The following ZNF516 variants were observed in gnomAD, a reference collection of about 807,000 sequenced individuals.
ZNF516 encodes the protein zinc finger protein 516.
In ZNF516, 19 loss-of-function variants were observed where a neutral mutation model predicts 79.7. That is an observed-to-expected ratio of 0.24 (90% CI 0.17 to 0.35). ZNF516 has a LOEUF of 0.35. ZNF516 is among the 10% of genes least tolerant of loss of function. The probability of loss-of-function intolerance (pLI) is 1.00; values close to 1 mark genes in which losing one functional copy is unlikely to be tolerated. For missense variants in ZNF516, 1,678 were observed against 1,679.5 expected (o/e 1.00, Z 0.02); for synonymous variants, 877 against 739.5 (o/e 1.19, Z -3.02).
intron 1 of ZNF516, among the ~76,000 whole-genome samples, chr18:76,489,283 G>T (rs1234876304): frequency 6.6e-6 from 1 of 152,184 alleles, no homozygotes; most frequent in Non-Finnish European, 1.5e-5. Context: ...TACGTAAATT[G>T]CTAGGTCACA....
At chr18:76,424,223 A>G (rs1259990344) in intron 3 of ZNF516, among the ~76,000 whole-genome samples, 1 of 18,626 alleles carries the variant, frequency 5.4e-5, no homozygotes, top group Non-Finnish European at 1.2e-4. Flanking sequence ...TCAGGTGAAA[A>G]GGTTCCCCCG....
At chr18:76,386,075 C>T (rs955988279) in intron 3 of ZNF516, 1 of 152,176 alleles carries the variant, frequency 6.6e-6, no homozygotes, top group Admixed American at 6.5e-5. Context: ...TATTGGGCTT[C>T]GTAAAAGCCA....
At chr18:76,443,713 C>T (rs1028420599) in intron 2 of ZNF516, among the ~76,000 whole-genome samples, 5 of 152,200 alleles carry the variant, frequency 3.3e-5, no homozygotes, top group Non-Finnish European at 5.9e-5. Context: ...CAATGGGATA[C>T]GAGCTGAGAA....
chr18:76,379,810 C>A lies in ZNF516; in HGVS notation c.2304G>T (p.Lys768Asn). 2 of 1,613,800 alleles carry A rather than the reference C, an allele frequency of 1.2e-6. No individual in the cohort carries two copies. Among genetic ancestry groups the A allele is most frequent in the Non-Finnish European group, 1.7e-6 (2 of 1,179,830 alleles). Residue 768 changes from lysine to asparagine, a missense_variant, in exon 4 of 7, where the codon AAG becomes AAT. This residue lies in a region of ZNF516 where 1,294 missense variants were observed against 1,248.3 expected (regional missense o/e 1.04). Coordinates refer to ENST00000443185, the MANE Select transcript of ZNF516 (RefSeq NM_014643.4). Reference protein sequence around the residue: ...VVHPCPYCSHKTYYPEVLWMH... With the variant: ...VVHPCPYCSHNTYYPEVLWMH... ...TCCACAGGACCTCGGGGTAGTAGGT[C>A]TTGTGGCTGCAGTAAGGACACGGGT...
At position 76,379,895 on chromosome 18, in the gene ZNF516, G is replaced by C. The variant is rs568407825; in HGVS notation, c.2219C>G (p.Thr740Arg). The C allele has an allele frequency of 2.5e-6, 4 of 1,613,926 alleles. No individual in the cohort carries two copies. In the South Asian group the frequency reaches 4.4e-5, roughly 18 times the overall value. ...LMPLDLSARS[T>R]RDDPSNKETA... ...CTCCTTATTGCTGGGGTCATCCCGCGTCGACCTCGCACTTAAATCTAGCGG... is the reference window on the plus strand; with the variant it reads ...CTCCTTATTGCTGGGGTCATCCCGCCTCGACCTCGCACTTAAATCTAGCGG... The change falls in exon 4 of 7, where the codon ACG becomes AGG. Residue 740 changes from threonine to arginine, a missense_variant. Physicochemically the swap from Thr to Arg is moderately conservative, Grantham distance 71 (BLOSUM62 -1). Transcript: ENST00000443185.
rs1915309831 is a variant in ZNF516, at chr18:76,492,772, T to G, written c.-272+2372A>C. The G allele has an allele frequency of 1.4e-5, 14 of 985,510 alleles. No homozygotes were observed. The Admixed American group carries it at 2.5e-4, about 17-fold the overall frequency. The allele number at this position is 985,510 out of a possible 1,614,324, so 61.0% of individuals were successfully genotyped here. A position where few individuals can be genotyped will look rare whatever the true frequency, so the allele number is the denominator to read the frequency against. ...CCTTCTGCAGGTTCCGACCTGAATC[T>G]GAAAGTGCTTCTAAACCCCATGCTT... On this transcript the variant is annotated intron_variant, in intron 1 of 6. Coordinates refer to ENST00000443185, the MANE Select transcript of ZNF516 (RefSeq NM_014643.4).
At position 76,441,231 on chromosome 18, in the gene ZNF516, G is replaced by C. The variant is rs774210350; in HGVS notation, c.1810+14C>G. 2 of 1,606,254 alleles carry C rather than the reference G, an allele frequency of 1.2e-6. No individual in the cohort carries two copies. The highest frequency in any genetic ancestry group is 1.7e-5 in the Admixed American group (1 of 59,230). The stretch of plus-strand genomic sequence containing the variant: ...GGATCCCAGGACCCAGGCCACCTGG[G>C]TACACTTGCTCACCTGGTGCAGGTT... On this transcript the variant is annotated intron_variant, in intron 3 of 6. Transcript: ENST00000443185.
chr18:76,464,605 G>C (rs572017981), intron 1 of ZNF516, among the ~76,000 whole-genome samples: 2 of 152,216 alleles, frequency 1.3e-5, no homozygotes, highest in South Asian at 4.1e-4. Flanking sequence ...TTTCAGATGG[G>C]GACAGTGGCC....
chr18:76,378,954 G>A lies in ZNF516; in HGVS notation c.3160C>T (p.Arg1054Cys), dbSNP rs531193090. 12 of 1,613,650 alleles carry A rather than the reference G, an allele frequency of 7.4e-6. No individual in the cohort carries two copies. The highest frequency in any genetic ancestry group is 6.6e-5 in the South Asian group (6 of 91,092). Residue 1054 changes from arginine to cysteine, a missense_variant, in exon 4 of 7, where the codon CGC becomes TGC. Around this residue, in one of 5 missense-constraint regions of ZNF516, gnomAD observed 1,294 missense variants for 1,248.3 expected, o/e 1.04. Transcript: ENST00000443185. ...TTAAAGATGTTGAGGATGTCCAGGC[G>A]CTTCTCATGCCCCTCGGCCACCGGC... is the stretch of plus-strand genomic sequence containing the variant. ...QEPVAEGHEK[R>C]LDILNIFKTY...
At chr18:76,465,961 G>A (rs1913439353) in intron 1 of ZNF516, among the ~76,000 whole-genome samples, 1 of 152,152 alleles carries the variant, frequency 6.6e-6, no homozygotes. Flanking sequence ...GCTAGACTGC[G>A]CCCAAACCCT....
chr18:76,383,801 G>A (rs973832946), intron 3 of ZNF516, among the ~76,000 whole-genome samples: 2 of 152,208 alleles, frequency 1.3e-5, no homozygotes, highest in Admixed American at 6.5e-5. Flanking sequence ...AGCGCTCCCC[G>A]CATTCATCAT....
rs573660728 is a variant in ZNF516 at position 76,435,487 on chromosome 18, T to C, written c.1810+5758A>G. On this transcript the variant is annotated intron_variant, in intron 3 of 6. Transcript: ENST00000443185. ...AAGCACATGAGGACACCCAGGGCCC[T>C]GTGAACAATCACCGTCGTGTTCATG... Among the ~76,000 whole-genome samples, 3 of 152,340 alleles carry C rather than the reference T, an allele frequency of 2.0e-5. No homozygotes were observed. The South Asian group carries it at 6.2e-4, about 32-fold the overall frequency.
Position 76,442,973 on chromosome 18 carries a change from C to A in ZNF516, c.82G>T (p.Gly28Trp). The change falls in exon 3 of 7, where the codon GGG (glycine) becomes TGG (tryptophan). Residue 28 changes from glycine (G) to tryptophan (W), a missense_variant. By Grantham distance (184) the Gly-to-Trp change is radical. Transcript: ENST00000443185. ...TRAGRGHEVDGDKATCHTCCI... is the reference protein window; with the variant it reads ...TRAGRGHEVDWDKATCHTCCI... ...CAGGTGTGGCAGGTAGCCTTGTCCC[C>A]ATCCACCTCGTGGCCCCGGCCGGCC... 6.2e-7 allele frequency: 1 copy of A among 1,606,628 alleles called. No homozygotes were observed. The highest frequency in any genetic ancestry group is 1.1e-5 in the South Asian group (1 of 91,046).
At chr18:76,445,729 G>C (rs1462358000) in intron 2 of ZNF516, among the ~76,000 whole-genome samples, 1 of 152,228 alleles carries the variant, frequency 6.6e-6, no homozygotes, top group Non-Finnish European at 1.5e-5. Context: ...TCCAGTTCGA[G>C]AGAATTCAAC....
Position 76,380,179 on chromosome 18 carries a change from C to A in ZNF516, c.1935G>T (p.Gly645=), listed in dbSNP as rs200466814. ...CAAGTATGGACACAGAAGCTGCGAT[C>A]CCTGCCTTGGACTCGCCGGTGTCTC... ...SERDTGESKA[G]IAASVSILEN... is the part of the protein sequence containing the mutation. Residue 645 remains glycine (G), a synonymous_variant, in exon 4 of 7, where the codon GGG becomes GGT. Transcript: ENST00000443185. 1 of 1,613,978 alleles carries A rather than the reference C, an allele frequency of 6.2e-7. No individual in the cohort carries two copies. The highest frequency in any genetic ancestry group is 8.5e-7 in the Non-Finnish European group (1 of 1,179,898).
intron 4 of ZNF516, among the ~76,000 whole-genome samples, chr18:76,375,591 G>C (rs1270762101): frequency 6.9e-6 from 1 of 145,418 alleles, no homozygotes; most frequent in East Asian, 2.0e-4. Flanking sequence ...GATGGACCCA[G>C]AAGGTCCTGG....
chr18:76,383,714 G>C (rs759681208), intron 3 of ZNF516, among the ~76,000 whole-genome samples: 30 of 152,194 alleles, frequency 2.0e-4, no homozygotes, highest in Admixed American at 3.3e-4. Context: ...CAGGATCAGG[G>C]CCACTGAAAC....
intron 2 of ZNF516, among the ~76,000 whole-genome samples, chr18:76,443,953 G>T (rs572616010): frequency 6.6e-6 from 1 of 152,210 alleles, no homozygotes; most frequent in South Asian, 2.1e-4. Context: ...AGGGTGAGGA[G>T]GGCAGAGGCC....
chr18:76,404,733 T>G (rs911244186), intron 3 of ZNF516, among the ~76,000 whole-genome samples: 2 of 1,750 alleles, frequency 1.1e-3, no homozygotes, highest in Non-Finnish European at 0.018. Flanking sequence ...GTGATCAGCA[T>G]GTGCGTTGTG....
Sources: gnomAD v4.1 joint callset for allele counts (sites outside exome capture counted in the v4.1 genomes callset) on GRCh38, gnomAD v4.1.1 for gene constraint, gnomAD v4.1.1 regional missense constraint, MANE v1.5 for transcripts, NCBI Gene and HGNC (gene_info 2026-07-23, HGNC 2026-07-21) for gene names.